Variants in COL4A6 observed in about 807,000 individuals in gnomAD.
The protein encoded by COL4A6 is collagen type IV alpha 6 chain.
A neutral mutation model predicts 126.7 loss-of-function variants in COL4A6; 59 were observed. That is an observed-to-expected ratio of 0.47 (90% CI 0.38 to 0.58). The LOEUF (loss-of-function observed/expected upper bound fraction) is 0.58, where lower values mean the gene tolerates loss of function less well. Ranked by LOEUF, COL4A6 falls within the 20% of genes least tolerant of loss-of-function variation. The probability of loss-of-function intolerance (pLI) is 0.00; values close to 1 mark genes in which losing one functional copy is unlikely to be tolerated. For synonymous variants in COL4A6, 547 were observed against 496.6 expected (o/e 1.10, Z -1.35); for missense variants, 1,285 against 1,337.3 (o/e 0.96, Z 0.61).
chrX:108,353,746 T>C (rs1324425803), intron 2 of COL4A6, among the ~76,000 whole-genome samples: 1 of 112,192 alleles, frequency 8.9e-6, no homozygotes, highest in African/African-American at 3.2e-5. Flanking sequence ...GCGTATATTA[T>C]GGAAGTAGTG....
intron 2 of COL4A6, among the ~76,000 whole-genome samples, chrX:108,361,407 A>G (rs1005495871): frequency 4.5e-5 from 5 of 111,982 alleles, no homozygotes; most frequent in Non-Finnish European, 9.4e-5. Context: ...TCAGGAAGCC[A>G]TACTGGTTAT....
At chrX:108,355,179 T>A (rs2039932750) in intron 2 of COL4A6, among the ~76,000 whole-genome samples, 1 of 111,566 alleles carries the variant, frequency 9.0e-6, no homozygotes, top group Admixed American at 9.5e-5. Flanking sequence ...CACTATCGGG[T>A]ACCCATTTTG....
At chrX:108,249,195 G>T (rs1263602458) in intron 3 of COL4A6, among the ~76,000 whole-genome samples, 1 of 111,184 alleles carries the variant, frequency 9.0e-6, no homozygotes, top group Non-Finnish European at 1.9e-5. Context: ...TGTCTTCCAT[G>T]AAACCAGTCC....
intron 3 of COL4A6, among the ~76,000 whole-genome samples, chrX:108,252,452 A>G (rs906057943): frequency 8.9e-6 from 1 of 111,793 alleles, no homozygotes; most frequent in African/African-American, 3.2e-5. Context: ...ATGGAAGTAC[A>G]GATATATCTC....
chrX:108,422,819 A>T (rs2064004345), intron 2 of COL4A6, among the ~76,000 whole-genome samples: 1 of 111,795 alleles, frequency 8.9e-6, no homozygotes, highest in South Asian at 3.8e-4. Flanking sequence ...GGTGCTGGAC[A>T]TCAAAACAGG....
At chrX:108,258,959 ATAT>A (rs200478108) in intron 3 of COL4A6, among the ~76,000 whole-genome samples, 3,276 of 111,286 alleles carry the variant, frequency 0.029, 116 homozygotes, top group African/African-American at 0.1. Context: ...AAACTCTTAG[ATAT>A]TGCCTGACAG....
At chrX:108,396,313 C>T (rs1354812095) in intron 2 of COL4A6, among the ~76,000 whole-genome samples, 1 of 110,925 alleles carries the variant, frequency 9.0e-6, no homozygotes, top group African/African-American at 3.3e-5. Context: ...CTCCACTCCT[C>T]CTCCTACTCT....
chrX:108,302,686 C>T (rs1379373949), intron 3 of COL4A6, among the ~76,000 whole-genome samples: 2 of 110,199 alleles, frequency 1.8e-5, no homozygotes, highest in Non-Finnish European at 3.8e-5. Flanking sequence ...AAGTAAGGGC[C>T]CCAAGGACAC....
At chrX:108,161,151 C>T (rs2033919363) in intron 42 of COL4A6, among the ~76,000 whole-genome samples, 1 of 112,006 alleles carries the variant, frequency 8.9e-6, no homozygotes, top group Non-Finnish European at 1.9e-5. Flanking sequence ...TCCCACCGAG[C>T]CTCTGAACTG....
intron 3 of COL4A6, among the ~76,000 whole-genome samples, chrX:108,248,576 A>T (rs1281193318): frequency 9.1e-6 from 1 of 109,768 alleles, no homozygotes; most frequent in East Asian, 2.9e-4. Flanking sequence ...CCACTACAAA[A>T]CTCTCTGTCT....
chrX:108,284,015 A>G (rs926814814), intron 3 of COL4A6, among the ~76,000 whole-genome samples: 11 of 111,725 alleles, frequency 9.8e-5, no homozygotes, highest in Non-Finnish European at 1.7e-4. Flanking sequence ...CAGAGGCAGA[A>G]ATAACTGTAA....
At chrX:108,243,004 T>C (rs1254221797) in intron 3 of COL4A6, among the ~76,000 whole-genome samples, 3 of 111,529 alleles carry the variant, frequency 2.7e-5, no homozygotes, top group Non-Finnish European at 5.7e-5. Flanking sequence ...TCTCAATCAG[T>C]TCTTCTCAGC....
intron 3 of COL4A6, among the ~76,000 whole-genome samples, chrX:108,227,518 G>T (rs1311261400): frequency 9.2e-6 from 1 of 108,288 alleles, no homozygotes. Flanking sequence ...CATTGGTTCA[G>T]TCTGGAAAGC....
intron 2 of COL4A6, among the ~76,000 whole-genome samples, chrX:108,323,797 C>T (rs1035406404): frequency 1.8e-5 from 2 of 112,338 alleles, no homozygotes; most frequent in Non-Finnish European, 1.9e-5. Flanking sequence ...TCGTTGCTCA[C>T]TCTAACAGCC....
At chrX:108,426,524 A>G (rs756891533) in intron 2 of COL4A6, among the ~76,000 whole-genome samples, 5 of 112,179 alleles carry the variant, frequency 4.5e-5, no homozygotes, top group African/African-American at 1.6e-4. Context: ...TTTAGTTGGG[A>G]AGCAGGTCTC....
intron 3 of COL4A6, among the ~76,000 whole-genome samples, chrX:108,248,196 T>C (rs1284811817): frequency 9.8e-5 from 11 of 111,795 alleles, no homozygotes; most frequent in South Asian, 3.8e-4. Flanking sequence ...GTGTATGTTT[T>C]ATAATGTACT....
intron 5 of COL4A6, among the ~76,000 whole-genome samples, chrX:108,214,978 T>A (rs1180046454): frequency 8.9e-6 from 1 of 111,980 alleles, no homozygotes; most frequent in Non-Finnish European, 1.9e-5. Flanking sequence ...TAATATACCT[T>A]TTTTAATTCA....
chrX:108,161,524 A>T, intron 42 of COL4A6, 95 bp downstream of exon 42: 1 of 546,739 alleles, frequency 1.8e-6, no homozygotes, highest in Non-Finnish European at 3.0e-6. Flanking sequence ...TGGGTTTATT[A>T]AGTTTCAGAC....
chrX:108,385,829 T>C (rs1317977240), intron 2 of COL4A6, among the ~76,000 whole-genome samples: 1 of 110,544 alleles, frequency 9.0e-6, no homozygotes, highest in Non-Finnish European at 1.9e-5. Flanking sequence ...CAACCCCTCA[T>C]CTACATTAGG....
Sources: gnomAD v4.1 joint callset for allele counts (sites outside exome capture counted in the v4.1 genomes callset) on GRCh38, gnomAD v4.1.1 for gene constraint, MANE v1.5 for transcripts, NCBI Gene and HGNC (gene_info 2026-07-23, HGNC 2026-07-21) for gene names.